Variants in ADCK1 observed in about 807,000 individuals in gnomAD.
ADCK1 encodes aarF domain-containing protein kinase 1.
In ADCK1, 41 loss-of-function variants were observed where a neutral mutation model predicts 52.3. The observed-to-expected ratio is 0.78, with a 90% CI of 0.61 to 1.02. ADCK1 has a LOEUF of 1.02. ADCK1 is among the 50% of genes least tolerant of loss of function. The probability of loss-of-function intolerance (pLI) is 0.00; values close to 1 mark genes in which losing one functional copy is unlikely to be tolerated. For synonymous variants in ADCK1, 250 were observed against 274.6 expected, an observed-to-expected ratio of 0.91 and a Z score of 0.89; for missense variants, 658 against 679.5, an observed-to-expected ratio of 0.97 and a Z score of 0.35.
chr14:77,832,277 C>T (rs745996698), intron 3 of ADCK1, among the ~76,000 whole-genome samples: 7 of 152,222 alleles, frequency 4.6e-5, no homozygotes, highest in Non-Finnish European at 8.8e-5. Flanking sequence ...GCCACCGCAC[C>T]TGGCCAGTGA....
intron 1 of ADCK1, among the ~76,000 whole-genome samples, chr14:77,814,695 C>CAAAAAAAAAAAAA (rs995163952): frequency 1.4e-4 from 5 of 35,916 alleles, no homozygotes; most frequent in African/African-American, 1.9e-4. Flanking sequence ...AAGACACTCT[C>CAAAAAAAAAAAAA]AAAAAAAAAA....
intron 4 of ADCK1, among the ~76,000 whole-genome samples, chr14:77,874,781 G>A (rs555880744): frequency 6.6e-6 from 1 of 152,224 alleles, no homozygotes; most frequent in Non-Finnish European, 1.5e-5. Flanking sequence ...AATAGCAGCT[G>A]TTAAATGTGT....
chr14:77,807,789 G>A (rs1337912785), intron 1 of ADCK1, among the ~76,000 whole-genome samples: 3 of 151,998 alleles, frequency 2.0e-5, no homozygotes, highest in African/African-American at 2.4e-5. Context: ...GATTATAGGC[G>A]TGAACCACCA....
chr14:77,863,217 C>T (rs771922807), intron 4 of ADCK1, among the ~76,000 whole-genome samples: 2 of 151,912 alleles, frequency 1.3e-5, no homozygotes, highest in Admixed American at 6.6e-5. Flanking sequence ...AAAAGAAGGA[C>T]GAAGAGACTG....
At chr14:77,815,269 T>C (rs974599859) in intron 1 of ADCK1, among the ~76,000 whole-genome samples, 1 of 150,466 alleles carries the variant, frequency 6.6e-6, no homozygotes, top group African/African-American at 2.4e-5. Context: ...AGTGGCGTGA[T>C]CATGGCTCAT....
chr14:77,863,766 G>A (rs2082603010), intron 4 of ADCK1, among the ~76,000 whole-genome samples: 1 of 152,082 alleles, frequency 6.6e-6, no homozygotes, highest in Non-Finnish European at 1.5e-5. Flanking sequence ...GAACCCAGGA[G>A]GCGGAGGTTG....
At chr14:77,868,358 G>A (rs923133251) in intron 4 of ADCK1, among the ~76,000 whole-genome samples, 6 of 152,354 alleles carry the variant, frequency 3.9e-5, no homozygotes, top group Non-Finnish European at 7.3e-5. Flanking sequence ...GTGCCCGGAA[G>A]AGAGGGCAGC....
chr14:77,833,592 C>T (rs891458937), intron 3 of ADCK1, among the ~76,000 whole-genome samples: 3 of 152,092 alleles, frequency 2.0e-5, no homozygotes, highest in Admixed American at 2.0e-4. Context: ...AATACTGCAT[C>T]GAAATCTGTG....
At chr14:77,823,394 A>G (rs995508930) in intron 3 of ADCK1, among the ~76,000 whole-genome samples, 56 of 152,176 alleles carry the variant, frequency 3.7e-4, no homozygotes, top group African/African-American at 1.2e-3. Context: ...CAGTTTTCCT[A>G]TGTGGATGGA....
In ADCK1 at chr14:77,841,187, C is replaced by T. The variant is rs74544290; in HGVS notation, c.220-17889C>T. Among the ~76,000 whole-genome samples the T allele has an allele frequency of 5.1e-4, 78 of 152,218 alleles. 1 individual carries two copies. In the East Asian group the frequency reaches 0.012, roughly 23 times the overall value. ...AGGGAAACTGCAAGCCTAAAAGCCCCGATGTGGCAATGAGCTTGGCTCACT... is the reference window on the plus strand; with the variant it reads ...AGGGAAACTGCAAGCCTAAAAGCCCTGATGTGGCAATGAGCTTGGCTCACT... On this transcript the variant is annotated intron_variant, in intron 3 of 10. Transcript: ENST00000238561.
intron 3 of ADCK1, among the ~76,000 whole-genome samples, chr14:77,831,340 T>C (rs1392959105): frequency 1.3e-5 from 2 of 152,172 alleles, no homozygotes; most frequent in Non-Finnish European, 2.9e-5. Context: ...TTATGCATAC[T>C]AGGGCTCCCT....
chr14:77,856,034 A>G (rs2082409848), intron 3 of ADCK1, among the ~76,000 whole-genome samples: 2 of 152,040 alleles, frequency 1.3e-5, no homozygotes, highest in Admixed American at 1.3e-4. Context: ...ACATAGTGAA[A>G]CCCCTTCTCT....
chr14:77,817,415 C>T (rs895612488), intron 1 of ADCK1, among the ~76,000 whole-genome samples: 4 of 152,132 alleles, frequency 2.6e-5, no homozygotes, highest in East Asian at 1.9e-4. Context: ...CTGCTGCTCT[C>T]GTGTGGCACT....
At chr14:77,880,283 A>G (rs1017881238) in intron 4 of ADCK1, among the ~76,000 whole-genome samples, 2 of 152,252 alleles carry the variant, frequency 1.3e-5, no homozygotes, top group African/African-American at 4.8e-5. Flanking sequence ...AGCAATTGGC[A>G]AGCATTGTGC....
intron 6 of ADCK1, chr14:77,900,591 A>AACG (rs2140241411): frequency 2.8e-6 from 1 of 358,318 alleles, no homozygotes; most frequent in Non-Finnish European, 5.6e-6. Flanking sequence ...CGTCTCAAGG[A>AACG]ACAACAACAA....
chr14:77,808,818 C>T lies in ADCK1; in HGVS notation c.-12+8648C>T, dbSNP rs1374029904. ...CTTGAACTCCTGACCTCAGGTGATCCACCCGCCTTGGCCTCCCAAAGTGTT... is the reference window on the plus strand; with the variant it reads ...CTTGAACTCCTGACCTCAGGTGATCTACCCGCCTTGGCCTCCCAAAGTGTT... On this transcript the variant is annotated intron_variant, in intron 1 of 10. Coordinates refer to ENST00000238561, the MANE Select transcript of ADCK1 (RefSeq NM_020421.4). Among the ~76,000 whole-genome samples the T allele has an allele frequency of 2.6e-5, 4 of 152,306 alleles. No homozygotes were observed. The East Asian group carries it at 5.8e-4, about 22-fold the overall frequency.
At chr14:77,920,881 C>T (rs2084033655) in intron 7 of ADCK1, among the ~76,000 whole-genome samples, 1 of 152,026 alleles carries the variant, frequency 6.6e-6, no homozygotes, top group Admixed American at 6.5e-5. Context: ...AACGCCTGTC[C>T]TCAAGCAATT....
chr14:77,895,183 A>G lies in ADCK1; in HGVS notation c.583-3917A>G, dbSNP rs77624281. 2.0e-4 allele frequency among the ~76,000 whole-genome samples: 31 copies of G among 152,346 alleles called. 1 individual carries two copies. The East Asian group carries it at 5.8e-3, about 28-fold the overall frequency. ...AGATAGTCTTATTATTTTACCTTGA[A>G]GGAAGTATTAATTTTTAAATATACC... On this transcript the variant is annotated intron_variant, in intron 5 of 10. Transcript: ENST00000238561.
At chr14:77,863,720 C>T (rs1351154851) in intron 4 of ADCK1, among the ~76,000 whole-genome samples, 1 of 151,960 alleles carries the variant, frequency 6.6e-6, no homozygotes, top group African/African-American at 2.4e-5. Flanking sequence ...GCTTGTCATC[C>T]AAGCTACTTG....
Sources: gnomAD v4.1 joint callset for allele counts (sites outside exome capture counted in the v4.1 genomes callset) on GRCh38, gnomAD v4.1.1 for gene constraint, MANE v1.5 for transcripts, NCBI Gene and HGNC (gene_info 2026-07-23, HGNC 2026-07-21) for gene names.